TENM3: variants seen among roughly 807,000 people sequenced by gnomAD.
The protein encoded by TENM3 is teneurin-3.
A neutral mutation model predicts 255.1 loss-of-function variants in TENM3; 63 were observed. The ratio of observed to expected loss-of-function variants is 0.25; its 90% confidence interval spans 0.20 to 0.30. The LOEUF is 0.30. TENM3 is among the 10% of genes least tolerant of loss of function. The probability of loss-of-function intolerance (pLI) is 1.00; values close to 1 mark genes in which losing one functional copy is unlikely to be tolerated. For missense variants in TENM3, 2,929 were observed against 3,461.1 expected (o/e 0.85, Z 3.86); for synonymous variants, 1,306 against 1,322.3 (o/e 0.99, Z 0.27).
At chr4:182,414,115 A>C (rs1361749135) in intron 3 of TENM3, among the ~76,000 whole-genome samples, 2 of 152,228 alleles carry the variant, frequency 1.3e-5, no homozygotes, top group Non-Finnish European at 2.9e-5. Context: ...TAGTTTCTAG[A>C]AAAAATTATT....
chr4:181,860,490 A>G, the TENM3 span, among the ~76,000 whole-genome samples: 3 of 152,210 alleles, frequency 2.0e-5, no homozygotes, highest in Non-Finnish European at 2.9e-5. Context: ...TGCCATAGAC[A>G]ATACAACCAA....
chr4:181,680,014 C>T, the TENM3 span, among the ~76,000 whole-genome samples: 1 of 152,140 alleles, frequency 6.6e-6, no homozygotes, highest in Non-Finnish European at 1.5e-5. Flanking sequence ...TCAATTCCCC[C>T]TCCAAACTGT....
chr4:181,817,979 C>G, the TENM3 span, among the ~76,000 whole-genome samples: 1 of 152,168 alleles, frequency 6.6e-6, no homozygotes, highest in African/African-American at 2.4e-5. Flanking sequence ...CTCTTTGGTC[C>G]TGATATCTGC....
At chr4:182,023,480 C>CA in the TENM3 span, among the ~76,000 whole-genome samples, 8 of 151,908 alleles carry the variant, frequency 5.3e-5, no homozygotes, top group African/African-American at 1.5e-4. Context: ...GTATTTTGGT[C>CA]AAAAAAGATA....
the TENM3 span, among the ~76,000 whole-genome samples, chr4:181,575,412 A>C: frequency 6.6e-6 from 1 of 152,172 alleles, no homozygotes; most frequent in African/African-American, 2.4e-5. Flanking sequence ...TTTGGGTTCT[A>C]AAACTAAATA....
the TENM3 span, among the ~76,000 whole-genome samples, chr4:181,697,952 C>T: frequency 1.6e-3 from 241 of 152,070 alleles, no homozygotes; most frequent in Non-Finnish European, 2.8e-3. Context: ...TGGTGGCTCA[C>T]GCCTGTAATC....
chr4:182,061,263 C>A, the TENM3 span, among the ~76,000 whole-genome samples: 1 of 152,120 alleles, frequency 6.6e-6, no homozygotes, highest in South Asian at 2.1e-4. Flanking sequence ...AAACAATGAC[C>A]TACATAAGGT....
chr4:181,952,366 G>A, the TENM3 span, among the ~76,000 whole-genome samples: 18 of 152,182 alleles, frequency 1.2e-4, no homozygotes, highest in Non-Finnish European at 2.2e-4. Flanking sequence ...TCTGCTAAGT[G>A]AATAAATAGA....
At chr4:181,620,608 CT>C in the TENM3 span, among the ~76,000 whole-genome samples, 1 of 150,696 alleles carries the variant, frequency 6.6e-6, no homozygotes, top group Non-Finnish European at 1.5e-5. Flanking sequence ...GAATAGACTC[CT>C]GACATTTGGC....
At chr4:182,080,597 A>G in the TENM3 span, among the ~76,000 whole-genome samples, 4 of 152,196 alleles carry the variant, frequency 2.6e-5, no homozygotes, top group African/African-American at 9.6e-5. Flanking sequence ...TGTACTATCC[A>G]ACATTCATAA....
chr4:182,320,051 T>G (rs1301167513), intron 1 of TENM3, among the ~76,000 whole-genome samples: 1 of 151,994 alleles, frequency 6.6e-6, no homozygotes, highest in African/African-American at 2.4e-5. Context: ...AGGCAGAGGT[T>G]GCAGTGAGCT....
intron 3 of TENM3, among the ~76,000 whole-genome samples, chr4:182,425,276 A>G (rs1336676611): frequency 6.6e-6 from 1 of 152,212 alleles, no homozygotes; most frequent in East Asian, 1.9e-4. Context: ...ATTTCTCCAA[A>G]AAAAGTCAAA....
intron 4 of TENM3, among the ~76,000 whole-genome samples, chr4:182,603,258 A>G (rs1748070581): frequency 1.3e-5 from 2 of 152,176 alleles, no homozygotes; most frequent in African/African-American, 4.8e-5. Flanking sequence ...TTCCATTTCA[A>G]AGTAATGCCA....
chr4:182,266,624 A>G (rs184524179), intron 1 of TENM3, among the ~76,000 whole-genome samples: 1 of 152,338 alleles, frequency 6.6e-6, no homozygotes, highest in East Asian at 1.9e-4. Context: ...TGGGTTTAAC[A>G]TGAATAGTAC....
chr4:182,436,628 C>T (rs1358892117), intron 3 of TENM3, among the ~76,000 whole-genome samples: 1 of 152,176 alleles, frequency 6.6e-6, no homozygotes, highest in African/African-American at 2.4e-5. Flanking sequence ...CATGATATGG[C>T]TGTGGTTAGA....
At chr4:182,574,276 G>A (rs753458041) in intron 3 of TENM3, among the ~76,000 whole-genome samples, 4 of 151,976 alleles carry the variant, frequency 2.6e-5, no homozygotes, top group Non-Finnish European at 5.9e-5. Context: ...TATCAGAACT[G>A]CAATTTACCA....
the TENM3 span, among the ~76,000 whole-genome samples, chr4:181,561,005 T>C: frequency 0.037 from 5,557 of 152,230 alleles, 350 homozygotes; most frequent in African/African-American, 0.13. Context: ...CAGGCTGGAG[T>C]GCAGTGACGC....
At position 182,729,065 on chromosome 4, in the gene TENM3, C is replaced by T. The variant is rs1370168976; in HGVS notation, c.2469C>T (p.Ser823=). 13 of 1,613,996 alleles carry T rather than the reference C, an allele frequency of 8.1e-6. No individual in the cohort carries two copies. The highest frequency in any genetic ancestry group is 1.1e-5 in the Non-Finnish European group (13 of 1,179,894). ...RGLPDPQDII[S]QSLQSPSQQA... ...TGCCGGATCCTCAGGACATCATTAG[C>T]CAAAGCCTTCAATCGCCTTCTCAGC... The change falls in exon 14 of 28, where the codon AGC becomes AGT. Residue 823 remains serine, a synonymous_variant. Coordinates refer to ENST00000511685, the MANE Select transcript of TENM3 (RefSeq NM_001080477.4).
chr4:181,810,694 C>T, the TENM3 span, among the ~76,000 whole-genome samples: 6 of 152,022 alleles, frequency 3.9e-5, no homozygotes, highest in African/African-American at 9.7e-5. Context: ...GATGTAAACA[C>T]GGATCCACAG....
Sources: gnomAD v4.1 joint callset for allele counts (sites outside exome capture counted in the v4.1 genomes callset) on GRCh38, gnomAD v4.1.1 for gene constraint, MANE v1.5 for transcripts, NCBI Gene and HGNC (gene_info 2026-07-23, HGNC 2026-07-21) for gene names.